Variants in ELAVL1 observed in about 807,000 individuals in gnomAD.
ELAVL1 encodes the protein ELAV like RNA binding protein 1, also known as ELAV-like protein 1.
ELAVL1 carries 1 observed loss-of-function variant against 28.4 expected under a neutral mutation model. The ratio of observed to expected loss-of-function variants is 0.04; its 90% CI spans 0.01 to 0.17. ELAVL1 has a LOEUF of 0.17. ELAVL1 is among the 10% of genes least tolerant of loss of function. ELAVL1 has a pLI of 1.00. For synonymous variants in ELAVL1, 174 were observed against 183.5 expected (o/e 0.95, Z 0.42); for missense variants, 157 against 447.2 (o/e 0.35, Z 5.85).
At chr19:8,003,449 T>C (rs144114942) in intron 1 of ELAVL1, among the ~76,000 whole-genome samples, 2,264 of 149,580 alleles carry the variant, frequency 0.015, 26 homozygotes, top group Non-Finnish European at 0.024. Context: ...TCCCAGCACT[T>C]TGGGAGGCCG....
chr19:7,993,902 G>T (rs1440505905), intron 1 of ELAVL1, among the ~76,000 whole-genome samples: 3 of 152,122 alleles, frequency 2.0e-5, no homozygotes, highest in Non-Finnish European at 4.4e-5. Context: ...AATCAACGCC[G>T]AGGGAAGAAT....
intron 2 of ELAVL1, among the ~76,000 whole-genome samples, chr19:7,984,086 C>T (rs1272683614): frequency 4.6e-5 from 7 of 152,166 alleles, no homozygotes; most frequent in Non-Finnish European, 7.3e-5. Flanking sequence ...CCTCACCACA[C>T]ATGCCCACAC....
rs533821251 is a variant in ELAVL1, at chr19:7,990,532, A to G, written c.172+1112T>C. Among the ~76,000 whole-genome samples, 4 of 149,324 alleles carry G rather than the reference A, an allele frequency of 2.7e-5. No homozygotes were observed. In the East Asian group the frequency reaches 6.0e-4, roughly 22 times the overall value. ...CAGATGCGGGCCACCACGCCCAGCT[A>G]AGTTTTTGTATTTTTCGTAAAGATG... On this transcript the variant is annotated intron_variant, in intron 2 of 5. Coordinates refer to ENST00000407627, the MANE Select transcript of ELAVL1 (RefSeq NM_001419.3).
chr19:7,991,932 CTTTT>C (rs398033838), intron 1 of ELAVL1, 101 bp from the exon 2 acceptor site: 89 of 647,348 alleles, frequency 1.4e-4, no homozygotes, highest in African/African-American at 1.0e-3. Flanking sequence ...TTCTTTCTTT[CTTTT>C]TTTTTTTTTT....
intron 2 of ELAVL1, among the ~76,000 whole-genome samples, chr19:7,986,234 G>A (rs79115825): frequency 3.3e-5 from 5 of 152,234 alleles, no homozygotes; most frequent in Non-Finnish European, 7.3e-5. Context: ...CCTCTGCACC[G>A]TGAGGGCAGG....
In ELAVL1 at chr19:7,979,621, C is replaced by A. The variant is rs1056388581; in HGVS notation, c.276+1462G>T. ...TGGGGCTGGAGGCGAGGAAGGGCTGCCCCTGCTCAGGTGGAATCCCATGGC... is the reference window on the plus strand; with the variant it reads ...TGGGGCTGGAGGCGAGGAAGGGCTGACCCTGCTCAGGTGGAATCCCATGGC... On this transcript the variant is annotated intron_variant, in intron 3 of 5. Transcript: ENST00000407627. The surrounding 1 kb of genome is among the most constrained non-coding windows in gnomAD (Gnocchi z 5.4). Among the ~76,000 whole-genome samples, 1 of 152,214 alleles carries A rather than the reference C, an allele frequency of 6.6e-6. No homozygotes were observed. The highest frequency in any genetic ancestry group is 2.4e-5 in the African/African-American group (1 of 41,458).
At chr19:7,977,869 G>C (rs1985346415) in intron 3 of ELAVL1, among the ~76,000 whole-genome samples, 1 of 152,256 alleles carries the variant, frequency 6.6e-6, no homozygotes. Context: ...CAGTTCCCAT[G>C]ATGTGCCTGG....
chr19:8,003,704 A>AG (rs1428372354), intron 1 of ELAVL1, among the ~76,000 whole-genome samples: 1 of 151,902 alleles, frequency 6.6e-6, no homozygotes, highest in Non-Finnish European at 1.5e-5. Context: ...AAAAAAAAAA[A>AG]AAAAAGAAAT....
Position 7,963,789 on chromosome 19 carries a change from G to A in ELAVL1, c.675C>T (p.Val225=), listed in dbSNP as rs1224006477. The change falls in exon 6 of 6, where the codon GTC becomes GTT. Residue 225 remains valine (V), a synonymous_variant. Coordinates refer to ENST00000407627, the MANE Select transcript of ELAVL1 (RefSeq NM_001419.3). This position sits in a 1 kb window ranked among gnomAD's most constrained non-coding sequence, Gnocchi z 4.5. The stretch of plus-strand genomic sequence containing the variant: ...CGCCAGAGAGCCCGCTCATGTGATC[G>A]ACGCCCATGGGGGAGAACCTGGCAG... ...AQRFRFSPMG[V]DHMSGLSGVN... 5.0e-6 allele frequency: 8 copies of A among 1,613,794 alleles called. No individual in the cohort carries two copies. The highest frequency in any genetic ancestry group is 1.6e-4 in the Middle Eastern group (1 of 6,084).
chr19:7,994,947 C>T (rs993915058), intron 1 of ELAVL1, among the ~76,000 whole-genome samples: 10 of 152,152 alleles, frequency 6.6e-5, no homozygotes, highest in African/African-American at 1.9e-4. Context: ...GAGTAAGACT[C>T]TGTCTCAAAA....
chr19:7,971,605 C>G (rs972405455), intron 4 of ELAVL1, among the ~76,000 whole-genome samples: 2 of 152,246 alleles, frequency 1.3e-5, no homozygotes, highest in Non-Finnish European at 2.9e-5. Flanking sequence ...CACCGAGTAA[C>G]TGGCATCCCC....
Position 7,979,298 on chromosome 19 carries a change from C to T in ELAVL1, c.276+1785G>A, listed in dbSNP as rs749480467. Among the ~76,000 whole-genome samples, 1 of 152,162 alleles carries T rather than the reference C, an allele frequency of 6.6e-6. No homozygotes were observed. Among genetic ancestry groups the T allele is most frequent in the Non-Finnish European group, 1.5e-5 (1 of 68,016 alleles). ...GCTTCTGCATGCATGGCCGGGATGA[C>T]AGGGAGGGACACCTGCCCAGGCCTG... On this transcript the variant is annotated intron_variant, in intron 3 of 5. Transcript: ENST00000407627. The surrounding 1 kb of genome is among the most constrained non-coding windows in gnomAD (Gnocchi z 5.4).
At position 7,959,063 on chromosome 19, in the gene ELAVL1, A is replaced by AT. The variant is rs1984733018; in HGVS notation, c.*4419_*4420insA. The AT allele has an allele frequency of 6.5e-6, 1 of 153,530 alleles. No homozygotes were observed. Among genetic ancestry groups the AT allele is most frequent in the South Asian group, 2.1e-4 (1 of 4,830 alleles). 9.5% of individuals were successfully genotyped at this position (153,530 alleles called of 1,614,324 possible). A position where few individuals can be genotyped will look rare whatever the true frequency, so the allele number is the denominator to read the frequency against. ...AACATTTATTCACAAGGATTAAAAA[A>AT]AAAAAATAAAAAGGCAATGGGCTGA... On this transcript the variant is annotated 3_prime_UTR_variant, in exon 6 of 6. Coordinates refer to ENST00000407627, the MANE Select transcript of ELAVL1 (RefSeq NM_001419.3).
At chr19:7,998,017 C>T (rs1029769800) in intron 1 of ELAVL1, among the ~76,000 whole-genome samples, 2 of 152,156 alleles carry the variant, frequency 1.3e-5, no homozygotes, top group African/African-American at 4.8e-5. Flanking sequence ...TTCTGCTTTG[C>T]GGCCCTGTTC....
intron 1 of ELAVL1, among the ~76,000 whole-genome samples, chr19:8,000,988 C>T (rs1015396545): frequency 1.3e-5 from 2 of 152,256 alleles, no homozygotes; most frequent in Non-Finnish European, 2.9e-5. Context: ...GGAAAAAACC[C>T]TGAGCTCTGG....
At chr19:7,994,437 C>A (rs185791444) in intron 1 of ELAVL1, among the ~76,000 whole-genome samples, 1 of 152,112 alleles carries the variant, frequency 6.6e-6, no homozygotes, top group Non-Finnish European at 1.5e-5. Flanking sequence ...AAACTTGATT[C>A]GGAACATCTA....
chr19:7,970,798 G>A (rs1985086747), intron 4 of ELAVL1, among the ~76,000 whole-genome samples: 1 of 151,812 alleles, frequency 6.6e-6, no homozygotes, highest in Admixed American at 6.6e-5. Context: ...CTGGGCTCAA[G>A]CAATCCTCCC....
At position 7,981,362 on chromosome 19, in the gene ELAVL1, T is replaced by C. The variant is rs1054835655; in HGVS notation, c.173-176A>G. 8.6e-5 allele frequency among the ~76,000 whole-genome samples: 13 copies of C among 151,880 alleles called. No homozygotes were observed. Among genetic ancestry groups the C allele is most frequent in the Admixed American group, 1.3e-4 (2 of 15,246 alleles). ...TGCAATGAACACAGGTTCCTTTTTT[T>C]TTTTTTTTTTAAAGAGATAGGATCT... On this transcript the variant is annotated intron_variant, in intron 2 of 5. Transcript: ENST00000407627. The surrounding 1 kb of genome is among the most constrained non-coding windows in gnomAD (Gnocchi z 4.2).
intron 4 of ELAVL1, among the ~76,000 whole-genome samples, chr19:7,971,010 G>T (rs1234164061): frequency 1.3e-5 from 2 of 152,182 alleles, no homozygotes; most frequent in Non-Finnish European, 2.9e-5. Context: ...TCCTGGGGTG[G>T]GAAGCAGAGC....
Sources: allele counts gnomAD v4.1 joint callset (sites outside exome capture counted in the v4.1 genomes callset), GRCh38; gene constraint gnomAD v4.1.1; non-coding constraint Gnocchi (gnomAD v3.1); transcripts MANE v1.5; gene names NCBI Gene and HGNC (gene_info 2026-07-23, HGNC 2026-07-21).